Variants in DNAH9 observed in about 807,000 individuals in gnomAD.
DNAH9 encodes DNAH9 variant protein.
Under a neutral mutation model 471.6 loss-of-function variants are expected in DNAH9, and 345 were observed. The observed-to-expected ratio is 0.73, with a 90% confidence interval of 0.67 to 0.80. DNAH9 has a LOEUF of 0.80. Ranked by LOEUF, DNAH9 falls within the 30% of genes least tolerant of loss-of-function variation. DNAH9 has a pLI of 0.00. For synonymous variants in DNAH9, 2,093 were observed against 2,123.6 expected, an observed-to-expected ratio of 0.99 and a Z score of 0.40; for missense variants, 5,407 against 5,609.2, an observed-to-expected ratio of 0.96 and a Z score of 1.15.
At chr17:11,903,772 G>A (rs535808550) in intron 60 of DNAH9, among the ~76,000 whole-genome samples, 16 of 152,212 alleles carry the variant, frequency 1.1e-4, no homozygotes, top group Middle Eastern at 3.4e-3. Context: ...TTAGCTGGGC[G>A]TGGTGGCGCA....
Position 11,747,704 on chromosome 17 carries a change from A to G in DNAH9, c.6548A>G (p.Lys2183Arg). The change falls in exon 32 of 69, where the codon AAA (lysine) becomes AGA (arginine). Residue 2183 changes from lysine to arginine, a missense_variant. Lys to Arg is a conservative substitution (Grantham distance 26). Coordinates refer to ENST00000262442, the MANE Select transcript of DNAH9 (RefSeq NM_001372.4). ...CCCGTCTGGACTGACCTCAATCCCAAAGCAGTCACAAATGATGAGCTCTTT... is the reference window on the plus strand; with the variant it reads ...CCCGTCTGGACTGACCTCAATCCCAGAGCAGTCACAAATGATGAGCTCTTT... ...RRPVWTDLNP[K>R]AVTNDELFGI... 2 of 1,614,138 alleles carry G rather than the reference A, an allele frequency of 1.2e-6. No individual in the cohort carries two copies. Among genetic ancestry groups the G allele is most frequent in the East Asian group, 2.2e-5 (1 of 44,862 alleles).
intron 34 of DNAH9, 111 bp downstream of exon 34, chr17:11,756,787 C>G: frequency 1.4e-6 from 1 of 708,466 alleles, no homozygotes; most frequent in South Asian, 1.7e-5. Flanking sequence ...GAGCCAGAAG[C>G]CTCACGTGCA....
At chr17:11,857,927 C>A (rs991793105) in intron 50 of DNAH9, among the ~76,000 whole-genome samples, 1 of 152,140 alleles carries the variant, frequency 6.6e-6, no homozygotes, top group African/African-American at 2.4e-5. Flanking sequence ...GAGAAAGATG[C>A]CAGCAGTATG....
intron 41 of DNAH9, among the ~76,000 whole-genome samples, chr17:11,785,417 T>C (rs541832689): frequency 6.6e-6 from 1 of 152,126 alleles, no homozygotes; most frequent in South Asian, 2.1e-4. Context: ...GTAATTGTAA[T>C]TAATTTCTCA....
At chr17:11,801,584 G>A (rs1026521301) in intron 43 of DNAH9, among the ~76,000 whole-genome samples, 4 of 152,116 alleles carry the variant, frequency 2.6e-5, no homozygotes, top group East Asian at 1.9e-4. Flanking sequence ...CCAGATACTC[G>A]GGAGGCTGAG....
chr17:11,600,071 G>A (rs976124499), intron 1 of DNAH9, among the ~76,000 whole-genome samples: 3 of 152,152 alleles, frequency 2.0e-5, no homozygotes, highest in African/African-American at 7.2e-5. Flanking sequence ...CAGGGAAAGG[G>A]TTGGATAGAT....
At chr17:11,912,049 C>T (rs572231591) in intron 61 of DNAH9, among the ~76,000 whole-genome samples, 7 of 152,218 alleles carry the variant, frequency 4.6e-5, no homozygotes, top group African/African-American at 7.2e-5. Context: ...GATGGAGTCT[C>T]GCTCTGTCAC....
intron 61 of DNAH9, among the ~76,000 whole-genome samples, chr17:11,909,974 C>T (rs1973738555): frequency 1.3e-5 from 2 of 152,076 alleles, no homozygotes; most frequent in South Asian, 2.1e-4. Context: ...TGCCTATTCT[C>T]GGCTGGGCGT....
At chr17:11,833,746 G>C (rs1269348352) in intron 48 of DNAH9, among the ~76,000 whole-genome samples, 2 of 152,084 alleles carry the variant, frequency 1.3e-5, no homozygotes, top group Admixed American at 1.3e-4. Context: ...GTAGAAAAAG[G>C]GTTGGTTCCT....
rs1347336560 is a variant in DNAH9 at position 11,729,100 on chromosome 17, T to C, written c.5814+1178T>C. 3.3e-5 allele frequency among the ~76,000 whole-genome samples: 5 copies of C among 152,106 alleles called. No individual in the cohort carries two copies. The East Asian group carries it at 7.7e-4, about 23-fold the overall frequency. On this transcript the variant is annotated intron_variant, in intron 28 of 68. Coordinates refer to ENST00000262442, the MANE Select transcript of DNAH9 (RefSeq NM_001372.4). ...CCCCCAGAGACATCTGGGAGGGAGA[T>C]TGCCCCTCTATTTGCCAGCAATATG...
At chr17:11,847,524 G>A (rs1971268017) in intron 49 of DNAH9, among the ~76,000 whole-genome samples, 1 of 152,140 alleles carries the variant, frequency 6.6e-6, no homozygotes, top group African/African-American at 2.4e-5. Context: ...GGGTGTGGGT[G>A]TGTGGCCTTA....
chr17:11,944,352 A>G (rs1035784148), intron 67 of DNAH9, among the ~76,000 whole-genome samples: 2 of 152,182 alleles, frequency 1.3e-5, no homozygotes, highest in Admixed American at 1.3e-4. Context: ...AGAAACAAGT[A>G]TTGTGTGTGG....
At chr17:11,726,974 G>C (rs1408869397) in intron 27 of DNAH9, among the ~76,000 whole-genome samples, 1 of 144,884 alleles carries the variant, frequency 6.9e-6, no homozygotes, top group African/African-American at 2.5e-5. Flanking sequence ...CTTGAACCTG[G>C]GAGGTGGAGG....
intron 43 of DNAH9, among the ~76,000 whole-genome samples, chr17:11,805,857 A>G (rs1384953123): frequency 1.3e-5 from 2 of 151,798 alleles, no homozygotes; most frequent in Non-Finnish European, 2.9e-5. Context: ...CTGGGCTCCA[A>G]AGAACTTTTT....
chr17:11,679,561 A>G (rs538456366), intron 17 of DNAH9, among the ~76,000 whole-genome samples, 196 bp from the exon 18 acceptor site: 34 of 152,324 alleles, frequency 2.2e-4, no homozygotes, highest in African/African-American at 7.9e-4. Flanking sequence ...AGTCTTTGCC[A>G]TTCGTAACCT....
intron 61 of DNAH9, among the ~76,000 whole-genome samples, chr17:11,922,143 A>G (rs939213968): frequency 2.6e-5 from 4 of 152,354 alleles, no homozygotes; most frequent in African/African-American, 4.8e-5. Flanking sequence ...TTCTTACTAC[A>G]AAAAGTCATC....
At chr17:11,696,721 A>G (rs1006223550) in intron 22 of DNAH9, among the ~76,000 whole-genome samples, 2 of 152,116 alleles carry the variant, frequency 1.3e-5, no homozygotes, top group Non-Finnish European at 2.9e-5. Flanking sequence ...TTTTTTTCCT[A>G]TAGATGAAAA....
At chr17:11,677,792 A>G (rs1244577808) in intron 17 of DNAH9, among the ~76,000 whole-genome samples, 1 of 151,610 alleles carries the variant, frequency 6.6e-6, no homozygotes, top group Non-Finnish European at 1.5e-5. Flanking sequence ...GCTACTTTGA[A>G]TGTCATGCCA....
chr17:11,619,716 G>T lies in DNAH9; in HGVS notation c.1285G>T (p.Asp429Tyr). ...AGAGAACCAGGAAGTCAAGGAATGGGATTTCCAGTCTTCTTTGGTCTTTGT... is the reference window on the plus strand; with the variant it reads ...AGAGAACCAGGAAGTCAAGGAATGGTATTTCCAGTCTTCTTTGGTCTTTGT... ...FKENQEVKEW[D>Y]FQSSLVFVRL... Residue 429 changes from aspartate to tyrosine, a missense_variant, in exon 6 of 69, where the codon GAT becomes TAT. Asp to Tyr is a radical substitution (Grantham distance 160). This residue lies in a region of DNAH9 where 767 missense variants were observed against 692.5 expected (regional missense o/e 1.11). Transcript: ENST00000262442. 1 of 1,614,124 alleles carries T rather than the reference G, an allele frequency of 6.2e-7. No individual in the cohort carries two copies. The highest frequency in any genetic ancestry group is 8.5e-7 in the Non-Finnish European group (1 of 1,180,008).
Sources: allele counts gnomAD v4.1 joint callset (sites outside exome capture counted in the v4.1 genomes callset), GRCh38; gene constraint gnomAD v4.1.1; regional missense constraint gnomAD v4.1.1; transcripts MANE v1.5; gene names NCBI Gene and HGNC (gene_info 2026-07-23, HGNC 2026-07-21).